DIP2C: variants seen among roughly 807,000 people sequenced by gnomAD.
DIP2C encodes the protein DIP2 acetate--CoA ligase C (putative).
Under a neutral mutation model 192.4 loss-of-function variants are expected in DIP2C, and 33 were observed. The ratio of observed to expected loss-of-function variants is 0.17; its 90% confidence interval spans 0.13 to 0.23. The LOEUF (loss-of-function observed/expected upper bound fraction) is 0.23. DIP2C is among the 10% of genes least tolerant of loss of function. DIP2C has a pLI of 1.00. For synonymous variants in DIP2C, 979 were observed against 864.1 expected (o/e 1.13, Z -2.33); for missense variants, 1,537 against 2,110.1 (o/e 0.73, Z 5.32).
In DIP2C at chr10:384,039, C is replaced by T. The variant is rs771008735; in HGVS notation, c.1864G>A (p.Gly622Ser). 8 of 1,602,306 alleles carry T rather than the reference C, an allele frequency of 5.0e-6. No individual in the cohort carries two copies. The highest frequency in any genetic ancestry group is 1.1e-5 in the South Asian group (1 of 88,670). Reference protein sequence around the residue: ...SSLRMLIVADGANPWSISSCD... With the variant: ...SSLRMLIVADSANPWSISSCD... ...GCTCCTCACTTACAGGGGTTCGCGCCGTCCGCCACTATCAGCATTCGCAGA... is the reference window on the plus strand; with the variant it reads ...GCTCCTCACTTACAGGGGTTCGCGCTGTCCGCCACTATCAGCATTCGCAGA... Residue 622 changes from glycine (G) to serine (S), a missense_variant, in exon 16 of 37, where the codon GGC becomes AGC. Physicochemically the swap from Gly to Ser is moderately conservative, Grantham distance 56. Around this residue, in one of 4 missense-constraint regions of DIP2C, gnomAD observed 677 missense variants for 989.9 expected, o/e 0.68. Transcript: ENST00000280886.
chr10:616,578 T>C (rs2131809915), intron 1 of DIP2C, among the ~76,000 whole-genome samples: 1 of 152,180 alleles, frequency 6.6e-6, no homozygotes, highest in East Asian at 1.9e-4. Flanking sequence ...CAACAGCCCC[T>C]CGCCCAGCCA....
intron 17 of DIP2C, among the ~76,000 whole-genome samples, chr10:376,831 AAAT>A (rs1002036080): frequency 1.3e-5 from 2 of 152,194 alleles, no homozygotes; most frequent in African/African-American, 2.4e-5. Flanking sequence ...ATTTCAGCAG[AAAT>A]AATATTTTCA....
At chr10:685,183 TATAC>T (rs1481378660) in intron 1 of DIP2C, among the ~76,000 whole-genome samples, 223 of 19,892 alleles carry the variant, frequency 0.011, 2 homozygotes, top group African/African-American at 0.029. Flanking sequence ...TATATATATA[TATAC>T]ATATATATAT....
At chr10:355,306 A>AGAG (rs933746042) in intron 24 of DIP2C, among the ~76,000 whole-genome samples, 26 of 152,246 alleles carry the variant, frequency 1.7e-4, no homozygotes, top group Non-Finnish European at 3.2e-4. Flanking sequence ...CTTCTCTGGC[A>AGAG]GAGGAGGAGG....
intron 3 of DIP2C, among the ~76,000 whole-genome samples, chr10:467,580 AAG>A (rs1371156141): frequency 3.3e-5 from 5 of 150,968 alleles, no homozygotes; most frequent in South Asian, 2.1e-4. Flanking sequence ...AAAAAAAAAA[AAG>A]AAAATGTGGC....
At chr10:668,979 G>A (rs934280242) in intron 1 of DIP2C, 1 of 151,956 alleles carries the variant, frequency 6.6e-6, no homozygotes, top group Non-Finnish European at 1.5e-5. Context: ...GGGAACTCGG[G>A]GGGCGACACA....
In DIP2C at chr10:501,054, C is replaced by T. The variant is rs563337712; in HGVS notation, c.86-14524G>A. Among the ~76,000 whole-genome samples the T allele has an allele frequency of 2.0e-5, 3 of 152,308 alleles. 1 individual carries two copies. In the South Asian group the frequency reaches 6.2e-4, roughly 32 times the overall value. On this transcript the variant is annotated intron_variant, in intron 1 of 36. Coordinates refer to ENST00000280886, the MANE Select transcript of DIP2C (RefSeq NM_014974.3). ...GTTATTCCAGAGAAGTTTGTACACACATTATGACTTTCTCTGAGGCCAGTG... is the reference window on the plus strand; with the variant it reads ...GTTATTCCAGAGAAGTTTGTACACATATTATGACTTTCTCTGAGGCCAGTG...
intron 1 of DIP2C, among the ~76,000 whole-genome samples, chr10:550,132 C>G (rs1217192052): frequency 6.6e-6 from 1 of 151,432 alleles, no homozygotes; most frequent in Non-Finnish European, 1.5e-5. Context: ...GCCTTGGCAT[C>G]CTGAGTAGCT....
At chr10:626,586 A>G (rs1369880130) in intron 1 of DIP2C, among the ~76,000 whole-genome samples, 3 of 152,028 alleles carry the variant, frequency 2.0e-5, no homozygotes, top group Non-Finnish European at 2.9e-5. Context: ...AGCATGTCAC[A>G]TGACTCTTCC....
chr10:656,953 T>C (rs1856374696), intron 1 of DIP2C, among the ~76,000 whole-genome samples: 1 of 152,182 alleles, frequency 6.6e-6, no homozygotes, highest in East Asian at 1.9e-4. Flanking sequence ...CAAGGAGAAA[T>C]GGCAGTAGGC....
intron 29 of DIP2C, among the ~76,000 whole-genome samples, chr10:336,948 C>CGT (rs764208139): frequency 4.3e-5 from 1 of 23,390 alleles, no homozygotes; most frequent in East Asian, 1.1e-3. Context: ...GGTGTGTGCG[C>CGT]GTGTGTGTGT....
intron 1 of DIP2C, among the ~76,000 whole-genome samples, chr10:587,554 A>G (rs1353535598): frequency 6.6e-6 from 1 of 152,216 alleles, no homozygotes; most frequent in Non-Finnish European, 1.5e-5. Flanking sequence ...ACATTGATCA[A>G]TAACAAGTCG....
rs1432486424 is a variant in DIP2C at position 651,368 on chromosome 10, T to A, written c.85+38126A>T. The A allele has an allele frequency of 1.4e-6, 1 of 701,872 alleles. No individual in the cohort carries two copies. Among genetic ancestry groups the A allele is most frequent in the South Asian group, 1.5e-5 (1 of 66,764 alleles). The allele number at this position is 701,872 out of a possible 1,614,324, so 43.5% of individuals were successfully genotyped here. ...TTGCATCCCCAGCACTGTGCTCAGG[T>A]CCCAGGGAGGCCCCAGCAAACTGTG... On this transcript the variant is annotated intron_variant, in intron 1 of 36. Transcript: ENST00000280886. The surrounding 1 kb of genome is among the most constrained non-coding windows in gnomAD (Gnocchi z 4.1).
intron 1 of DIP2C, among the ~76,000 whole-genome samples, chr10:513,172 C>T (rs1302898763): frequency 8.5e-6 from 1 of 117,592 alleles, no homozygotes; most frequent in Non-Finnish European, 1.9e-5. Context: ...GCAGTTTTCC[C>T]TTCAGGTGCT....
intron 1 of DIP2C, among the ~76,000 whole-genome samples, chr10:613,004 G>A (rs896421720): frequency 7.9e-5 from 12 of 152,140 alleles, no homozygotes; most frequent in Non-Finnish European, 1.0e-4. Flanking sequence ...CGCTGACCAC[G>A]TTCTTTCCTG....
chr10:424,970 C>T (rs1966479996), intron 4 of DIP2C, among the ~76,000 whole-genome samples: 1 of 147,324 alleles, frequency 6.8e-6, no homozygotes, highest in African/African-American at 2.5e-5. Context: ...GCATGACCAG[C>T]AGTGACTAAT....
At chr10:498,484 C>CA (rs1845010800) in intron 1 of DIP2C, among the ~76,000 whole-genome samples, 1 of 152,114 alleles carries the variant, frequency 6.6e-6, no homozygotes, top group Admixed American at 6.5e-5. Flanking sequence ...GTCCTGCTGA[C>CA]AGACCCCACC....
intron 1 of DIP2C, among the ~76,000 whole-genome samples, chr10:624,454 G>C (rs1171391236): frequency 6.6e-6 from 1 of 152,196 alleles, no homozygotes; most frequent in Non-Finnish European, 1.5e-5. Flanking sequence ...TCCACATCCA[G>C]GCTTTTGTGC....
At chr10:417,507 G>C (rs907221648) in intron 6 of DIP2C, among the ~76,000 whole-genome samples, 2 of 152,198 alleles carry the variant, frequency 1.3e-5, no homozygotes, top group East Asian at 1.9e-4. Context: ...CTGGCAATCA[G>C]GGCGATTTCA....
Sources: allele counts gnomAD v4.1 joint callset (sites outside exome capture counted in the v4.1 genomes callset), GRCh38; gene constraint gnomAD v4.1.1; regional missense constraint gnomAD v4.1.1; non-coding constraint Gnocchi (gnomAD v3.1); transcripts MANE v1.5; gene names NCBI Gene and HGNC (gene_info 2026-07-23, HGNC 2026-07-21).